ADAM9: variants seen among roughly 807,000 people sequenced by gnomAD.
The protein encoded by ADAM9 is ADAM metallopeptidase domain 9.
In ADAM9, 54 loss-of-function variants were observed where a neutral mutation model predicts 108.1. The observed-to-expected ratio is 0.50, with a 90% CI of 0.40 to 0.63. ADAM9 has a LOEUF of 0.63. Among genes scored for constraint, ADAM9 ranks in the 20% least tolerant of loss-of-function variants. ADAM9 has a pLI of 0.00. For synonymous variants in ADAM9, 316 were observed against 336.0 expected (o/e 0.94, Z 0.65); for missense variants, 830 against 997.7 (o/e 0.83, Z 2.26).
chr8:39,039,062 C>A (rs1460714287), intron 11 of ADAM9, among the ~76,000 whole-genome samples: 2 of 152,038 alleles, frequency 1.3e-5, no homozygotes, highest in African/African-American at 4.8e-5. Context: ...TTCTAGAGAC[C>A]AGTTAGCAAA....
intron 11 of ADAM9, among the ~76,000 whole-genome samples, chr8:39,028,329 A>G (rs1836990798): frequency 6.6e-6 from 1 of 152,158 alleles, no homozygotes; most frequent in African/African-American, 2.4e-5. Context: ...TAGATATGGA[A>G]GAGTTAAAAT....
intron 6 of ADAM9, 116 bp downstream of exon 6, chr8:39,017,530 A>T (rs79862902): frequency 9.7e-7 from 1 of 1,026,576 alleles, no homozygotes; most frequent in African/African-American, 1.6e-5. Flanking sequence ...AATTTTGCCA[A>T]ATATATGCCA....
chr8:39,012,559 A>G (rs1025339518), intron 3 of ADAM9, among the ~76,000 whole-genome samples: 1 of 152,250 alleles, frequency 6.6e-6, no homozygotes, highest in Non-Finnish European at 1.5e-5. Flanking sequence ...ATGTCCAACA[A>G]TGACAGACTG....
At chr8:39,047,008 G>C (rs1330520759) in intron 12 of ADAM9, among the ~76,000 whole-genome samples, 1 of 152,162 alleles carries the variant, frequency 6.6e-6, no homozygotes, top group African/African-American at 2.4e-5. Flanking sequence ...GACTCAAGCA[G>C]TCTGCCTGCG....
At chr8:39,035,182 G>A (rs990033653) in intron 11 of ADAM9, among the ~76,000 whole-genome samples, 4 of 152,022 alleles carry the variant, frequency 2.6e-5, no homozygotes, top group Middle Eastern at 6.8e-3. Flanking sequence ...ATATCTTTCA[G>A]CTCACTGATT....
chr8:39,017,560 G>A (rs1836579966), intron 6 of ADAM9, 146 bp downstream of exon 6: 1 of 797,054 alleles, frequency 1.3e-6, no homozygotes, highest in African/African-American at 1.7e-5. Context: ...ATAGGTACTA[G>A]GGGATGAAAA....
intron 12 of ADAM9, 117 bp from the exon 13 acceptor site, chr8:39,054,364 G>A: frequency 1.1e-6 from 1 of 878,330 alleles, no homozygotes; most frequent in Non-Finnish European, 1.8e-6. Flanking sequence ...TTTCTGGAGG[G>A]TAACTGCTAC....
intron 4 of ADAM9, chr8:39,015,888 G>A (rs113584290): frequency 9.6e-6 from 5 of 519,056 alleles, no homozygotes; most frequent in Non-Finnish European, 1.4e-5. Flanking sequence ...TTTGTACCTT[G>A]TATCCCCTGG....
chr8:39,067,497 T>G (rs1838522799), intron 14 of ADAM9, among the ~76,000 whole-genome samples: 1 of 152,228 alleles, frequency 6.6e-6, no homozygotes, highest in Non-Finnish European at 1.5e-5. Context: ...CCTAGGTATT[T>G]TATTCTCTTT....
intron 14 of ADAM9, among the ~76,000 whole-genome samples, chr8:39,062,506 G>C (rs1283279617): frequency 6.6e-6 from 1 of 152,202 alleles, no homozygotes; most frequent in Non-Finnish European, 1.5e-5. Flanking sequence ...TGATCAACTA[G>C]CCAATGCCGT....
At chr8:39,082,404 T>C (rs988296881) in intron 16 of ADAM9, among the ~76,000 whole-genome samples, 27 of 152,176 alleles carry the variant, frequency 1.8e-4, no homozygotes, top group Admixed American at 7.9e-4. Context: ...ATAATAGTTT[T>C]ATCTTTGTTT....
chr8:39,079,218 A>G (rs1838942765), intron 16 of ADAM9, among the ~76,000 whole-genome samples: 1 of 152,198 alleles, frequency 6.6e-6, no homozygotes, highest in Non-Finnish European at 1.5e-5. Flanking sequence ...CCTTTCTGCC[A>G]CCTCAGCTTA....
Position 39,104,048 on chromosome 8 carries a change from TTAAG to T in ADAM9, c.*350_*353del. ...GTGTAAGAGTTTTGTCATTAAGTGTTTAAGTGTTATTCTGAATTTTCTACCTTAG... is the reference window on the plus strand; with the variant it reads ...GTGTAAGAGTTTTGTCATTAAGTGTTTGTTATTCTGAATTTTCTACCTTAG... On this transcript the variant is annotated 3_prime_UTR_variant, in exon 22 of 22. Coordinates refer to ENST00000487273, the MANE Select transcript of ADAM9 (RefSeq NM_003816.3). 1 of 479,956 alleles carries T rather than the reference TTAAG, an allele frequency of 2.1e-6. No individual in the cohort carries two copies. The highest frequency in any genetic ancestry group is 4.1e-6 in the Non-Finnish European group (1 of 244,402). 29.7% of individuals were successfully genotyped at this position (479,956 alleles called of 1,614,324 possible).
At chr8:39,018,509 T>G (rs569480436) in intron 6 of ADAM9, 1 of 278,940 alleles carries the variant, frequency 3.6e-6, no homozygotes, top group Non-Finnish European at 6.9e-6. Flanking sequence ...GTTTTGATTT[T>G]AGAAAATTGG....
intron 11 of ADAM9, among the ~76,000 whole-genome samples, chr8:39,029,707 C>T (rs1356523994): frequency 6.6e-6 from 1 of 152,124 alleles, no homozygotes; most frequent in Admixed American, 6.5e-5. Context: ...TTGAACCGTC[C>T]TTGTGTCCCA....
intron 14 of ADAM9, among the ~76,000 whole-genome samples, chr8:39,056,935 A>C (rs922939528): frequency 2.0e-5 from 3 of 152,230 alleles, no homozygotes; most frequent in African/African-American, 7.2e-5. Flanking sequence ...CATATACCGC[A>C]TAACAACATT....
Position 39,087,797 on chromosome 8 carries a change from C to T in ADAM9, c.2069-2250C>T, listed in dbSNP as rs142811669. On this transcript the variant is annotated intron_variant, in intron 18 of 21. Coordinates refer to ENST00000487273, the MANE Select transcript of ADAM9 (RefSeq NM_003816.3). The stretch of plus-strand genomic sequence containing the variant: ...TGCTTTAATTTTTTATACAGTTGAC[C>T]GTTGAACAATGCAAAGGTTAGGGGC... 6.2e-4 allele frequency among the ~76,000 whole-genome samples: 95 copies of T among 152,160 alleles called. 1 individual carries two copies. Among genetic ancestry groups the T allele is most frequent in the African/African-American group, 2.2e-3 (90 of 41,498 alleles).
rs781504873 is a variant in ADAM9, at chr8:39,026,780, C to T, written c.1100C>T (p.Ala367Val). ...GATGGGAGAGATTGTTCCTGTGGAG[C>T]AAAGAGCTGCATCATGAATTCAGGA... ...HDDGRDCSCG[A>V]KSCIMNSGAS... The change falls in exon 11 of 22, where the codon GCA (alanine) becomes GTA (valine). Residue 367 changes from alanine (A) to valine (V), a missense_variant. Coordinates refer to ENST00000487273, the MANE Select transcript of ADAM9 (RefSeq NM_003816.3). 6.2e-7 allele frequency: 1 copy of T among 1,613,864 alleles called. No individual in the cohort carries two copies.
Position 39,054,546 on chromosome 8 carries a change from A to G in ADAM9, c.1368A>G (p.Ala456=), listed in dbSNP as rs750740014. 57 of 1,607,714 alleles carry G rather than the reference A, an allele frequency of 3.5e-5. 1 individual carries two copies. Among genetic ancestry groups the G allele is most frequent in the Middle Eastern group, 3.3e-4 (2 of 6,050 alleles). Residue 456 remains alanine, a synonymous_variant, in exon 13 of 22, where the codon GCA becomes GCG. Transcript: ENST00000487273. ...TCKLKSFAEC[A]YGDCCKDCRF... ...AGCTTAAATCATTTGCTGAGTGTGCATATGGTGACTGTTGTAAAGACTGTC... is the reference window on the plus strand; with the variant it reads ...AGCTTAAATCATTTGCTGAGTGTGCGTATGGTGACTGTTGTAAAGACTGTC...
Sources: allele counts gnomAD v4.1 joint callset (sites outside exome capture counted in the v4.1 genomes callset), GRCh38; gene constraint gnomAD v4.1.1; transcripts MANE v1.5; gene names NCBI Gene and HGNC (gene_info 2026-07-23, HGNC 2026-07-21).